ATOSA: variants seen among roughly 807,000 people sequenced by gnomAD.
ATOSA encodes the protein atos homolog protein A.
chr15:52,678,303 T>G, the ATOSA span: 3 of 584,948 alleles, frequency 5.1e-6, no homozygotes, highest in East Asian at 2.8e-5. Context: ...GAGCACCCCC[T>G]TCCCTGCCTC....
chr15:52,597,150 A>ATTCTGTTCTGTTCTG, the ATOSA span, among the ~76,000 whole-genome samples: 199 of 41,824 alleles, frequency 4.8e-3, 1 homozygote, highest in Admixed American at 0.011. Flanking sequence ...ATTCTATTTT[A>ATTCTGTTCTGTTCTG]TTCTGTTCTG....
chr15:52,606,723 T>C, the ATOSA span, among the ~76,000 whole-genome samples: 1 of 152,194 alleles, frequency 6.6e-6, no homozygotes, highest in Admixed American at 6.5e-5. Context: ...ATTATACTTT[T>C]AGAAAATTGG....
chr15:52,591,834 T>C, the ATOSA span, among the ~76,000 whole-genome samples: 1 of 152,202 alleles, frequency 6.6e-6, no homozygotes, highest in African/African-American at 2.4e-5. Context: ...GCATATGTAA[T>C]AACTGGGCAG....
the ATOSA span, among the ~76,000 whole-genome samples, chr15:52,655,204 G>A: frequency 0.57 from 86,950 of 151,942 alleles, 28,584 homozygotes; most frequent in Non-Finnish European, 0.74. Flanking sequence ...ACTATTTGCC[G>A]TAAGGCAAAT....
the ATOSA span, among the ~76,000 whole-genome samples, chr15:52,621,904 C>T: frequency 2.0e-5 from 3 of 151,226 alleles, no homozygotes; most frequent in Non-Finnish European, 4.4e-5. Flanking sequence ...GGCTGCAGTG[C>T]AATGACATGA....
At chr15:52,687,443 T>A in the ATOSA span, among the ~76,000 whole-genome samples, 1 of 152,320 alleles carries the variant, frequency 6.6e-6, no homozygotes, top group South Asian at 2.1e-4. Context: ...TTTGGTTTGA[T>A]AACAGCAAAA....
chr15:52,588,509 G>A, the ATOSA span, among the ~76,000 whole-genome samples: 1 of 152,072 alleles, frequency 6.6e-6, no homozygotes, highest in South Asian at 2.1e-4. Flanking sequence ...CACAATCTTG[G>A]CTCACTGCAA....
At chr15:52,675,630 C>T in the ATOSA span, among the ~76,000 whole-genome samples, 1 of 152,148 alleles carries the variant, frequency 6.6e-6, no homozygotes, top group African/African-American at 2.4e-5. Flanking sequence ...AGTGTTAGGC[C>T]GGGCGCGGTG....
chr15:52,647,983 A>C, the ATOSA span, among the ~76,000 whole-genome samples: 1 of 152,156 alleles, frequency 6.6e-6, no homozygotes, highest in East Asian at 1.9e-4. Flanking sequence ...CCAGTTAATG[A>C]AGTACCTTAG....
At chr15:52,663,632 T>C in the ATOSA span, among the ~76,000 whole-genome samples, 1 of 152,126 alleles carries the variant, frequency 6.6e-6, no homozygotes, top group African/African-American at 2.4e-5. Flanking sequence ...ATCAAAACTG[T>C]TTTTTCTGAG....
chr15:52,649,041 A>G, the ATOSA span, among the ~76,000 whole-genome samples: 6 of 152,282 alleles, frequency 3.9e-5, no homozygotes, highest in Middle Eastern at 3.4e-3. Context: ...ACTGCAAACA[A>G]TTACATTTTT....
At chr15:52,681,665 C>T in the ATOSA span, among the ~76,000 whole-genome samples, 1 of 152,176 alleles carries the variant, frequency 6.6e-6, no homozygotes, top group Non-Finnish European at 1.5e-5. Flanking sequence ...CTGGCAGGAA[C>T]CTTACCCTCT....
chr15:52,677,920 A>G, the ATOSA span: 1 of 1,499,536 alleles, frequency 6.7e-7, no homozygotes, highest in Non-Finnish European at 9.3e-7. Flanking sequence ...AGTTGATCCT[A>G]CTGCAGAATT....
the ATOSA span, chr15:52,581,988 A>T: frequency 1.8e-6 from 1 of 555,092 alleles, no homozygotes. Context: ...TTTCCAGTCT[A>T]CATGGAATAT....
the ATOSA span, chr15:52,629,558 C>T: frequency 9.2e-6 from 3 of 326,054 alleles, no homozygotes; most frequent in South Asian, 6.7e-5. Context: ...AATCCCAGCA[C>T]TTTGGCAGGC....
chr15:52,597,160 GTTCTGTTCTA>G, the ATOSA span, among the ~76,000 whole-genome samples: 5 of 8,554 alleles, frequency 5.8e-4, no homozygotes, highest in Non-Finnish European at 9.6e-4. Flanking sequence ...ATTCTGTTCT[GTTCTGTTCTA>G]TTCTATTCTA....
chr15:52,663,928 T>G, the ATOSA span, among the ~76,000 whole-genome samples: 6 of 152,196 alleles, frequency 3.9e-5, no homozygotes, highest in African/African-American at 9.7e-5. Flanking sequence ...GGAAATATTG[T>G]AGTTGAAATA....
the ATOSA span, among the ~76,000 whole-genome samples, chr15:52,686,375 GT>G: frequency 6.6e-6 from 1 of 152,208 alleles, no homozygotes; most frequent in East Asian, 1.9e-4. Context: ...AACTGATCGG[GT>G]ATTTCAGAAA....
chr15:52,605,307 C>G, the ATOSA span: 1 of 1,273,580 alleles, frequency 7.9e-7, no homozygotes, highest in Non-Finnish European at 1.1e-6. Context: ...AGAACTTGGA[C>G]AGTGTTTTTG....
Sources: gnomAD v4.1 joint callset for allele counts (sites outside exome capture counted in the v4.1 genomes callset) on GRCh38, gnomAD v4.1.1 for gene constraint, MANE v1.5 for transcripts, NCBI Gene and HGNC (gene_info 2026-07-23, HGNC 2026-07-21) for gene names.